The following ABCF1 variants were observed in gnomAD, a reference collection of about 807,000 sequenced individuals.
ABCF1 encodes ATP-binding cassette sub-family F member 1.
A neutral mutation model predicts 126.3 loss-of-function variants in ABCF1; 73 were observed. The ratio of observed to expected loss-of-function variants is 0.58; its 90% confidence interval spans 0.48 to 0.70. The LOEUF (loss-of-function observed/expected upper bound fraction) is 0.70, where lower values mean the gene tolerates loss of function less well. ABCF1 is among the 30% of genes least tolerant of loss of function. ABCF1 has a pLI of 0.00. For synonymous variants in ABCF1, 345 were observed against 396.4 expected (o/e 0.87, Z 1.54); for missense variants, 786 against 1,057.5 (o/e 0.74, Z 3.56).
Position 30,577,865 on chromosome 6 carries a change from GAA to G in ABCF1, c.170_171del (p.Lys57SerfsTer33). 6.2e-7 allele frequency: 1 copy of G among 1,614,072 alleles called. No homozygotes were observed. The highest frequency in any genetic ancestry group is 8.5e-7 in the Non-Finnish European group (1 of 1,180,040). On this transcript the variant is annotated frameshift_variant, in exon 3 of 25. Coordinates refer to ENST00000326195, the MANE Select transcript of ABCF1 (RefSeq NM_001025091.2). LOFTEE classifies it high-confidence loss of function. ...AAGATAAACAGGCTGGGGAAGAAGA[GAA>G]AGTGCTCAAGGAGAAGGAGCAGCAG... ...VEDKQAGEEEKVLKEKEQQQQ... is the reference protein window; with the variant it reads ...VEDKQAGEEEXVLKEKEQQQQ...
intron 1 of ABCF1, among the ~76,000 whole-genome samples, chr6:30,571,878 C>T (rs1170965782): frequency 6.6e-6 from 1 of 152,096 alleles, no homozygotes; most frequent in East Asian, 1.9e-4. Flanking sequence ...CCACCATACA[C>T]TGTATTCCAC....
chr6:30,577,391 G>C lies in ABCF1; in HGVS notation c.74-18G>C. 6.2e-7 allele frequency: 1 copy of C among 1,613,766 alleles called. No homozygotes were observed. The highest frequency in any genetic ancestry group is 1.1e-5 in the South Asian group (1 of 90,994). On this transcript the variant is annotated intron_variant, in intron 1 of 24. Coordinates refer to ENST00000326195, the MANE Select transcript of ABCF1 (RefSeq NM_001025091.2). ...GAATTTGCAGATAAGCATTCACGAT[G>C]TCCGCTTAACTTTCTAGACAAAGTG...
At position 30,571,460 on chromosome 6, in the gene ABCF1, C is replaced by G; in HGVS notation, c.-28C>G. 6.3e-7 allele frequency: 1 copy of G among 1,598,864 alleles called. No individual in the cohort carries two copies. On this transcript the variant is annotated 5_prime_UTR_variant, in exon 1 of 25. Transcript: ENST00000326195. ...CGGAAGCGGAAATAGCACCGGGCGC[C>G]GCCACAGTAGCTGTAACTGCCACCG...
At position 30,583,843 on chromosome 6, in the gene ABCF1, G is replaced by A. The variant is rs570810638; in HGVS notation, c.1055G>A (p.Arg352Gln). 1.2e-6 allele frequency: 2 copies of A among 1,614,134 alleles called. No individual in the cohort carries two copies. Among genetic ancestry groups the A allele is most frequent in the African/African-American group, 2.7e-5 (2 of 75,026 alleles). Residue 352 changes from arginine to glutamine, a missense_variant, in exon 12 of 25, where the codon CGA becomes CAA. By Grantham distance (43) the Arg-to-Gln change is conservative (BLOSUM62 1). This residue lies in a region of ABCF1 where 163 missense variants were observed against 255.3 expected (regional missense o/e 0.64). Coordinates refer to ENST00000326195, the MANE Select transcript of ABCF1 (RefSeq NM_001025091.2). This position sits in a 1 kb window ranked among gnomAD's most constrained non-coding sequence, Gnocchi z 4.1. ...ACACTCCTCAAGCACATTGCCAACCGAGCCCTGAGCATCCCTCCCAACATT... is the reference window on the plus strand; with the variant it reads ...ACACTCCTCAAGCACATTGCCAACCAAGCCCTGAGCATCCCTCCCAACATT... ...KTTLLKHIAN[R>Q]ALSIPPNIDV...
chr6:30,583,087 G>A lies in ABCF1; in HGVS notation c.814G>A (p.Ala272Thr), dbSNP rs765577016. 2 of 1,610,120 alleles carry A rather than the reference G, an allele frequency of 1.2e-6. No individual in the cohort carries two copies. The highest frequency in any genetic ancestry group is 1.1e-5 in the South Asian group (1 of 91,030). The change falls in exon 10 of 25, where the codon GCT becomes ACT. Residue 272 changes from alanine (A) to threonine (T), a missense_variant. Around this residue, in one of 4 missense-constraint regions of ABCF1, gnomAD observed 322 missense variants for 322.9 expected, o/e 1.00. Transcript: ENST00000326195. The surrounding 1 kb of genome is among the most constrained non-coding windows in gnomAD (Gnocchi z 4.1). ...TCAGATGGAGTATGAGCGCCAAGTG[G>A]CTTCATTAAAAGCAGCCAATGCAGC... ...KKQMEYERQV[A>T]SLKAANAAEN...
intron 1 of ABCF1, 81 bp downstream of exon 1, chr6:30,571,641 G>A (rs1200734172): frequency 3.4e-6 from 5 of 1,462,592 alleles, no homozygotes; most frequent in East Asian, 2.4e-5. Context: ...GGGTCATGGG[G>A]CACGAGACTG....
chr6:30,585,364 C>T (rs1251296904), intron 15 of ABCF1, 21 bp downstream of exon 15: 1 of 1,608,552 alleles, frequency 6.2e-7, no homozygotes, highest in Non-Finnish European at 8.5e-7. Flanking sequence ...GCCTTTGCAT[C>T]ATTGGTTCCC....
Position 30,585,905 on chromosome 6 carries a change from A to G in ABCF1, c.1627A>G (p.Lys543Glu). ...GACCTTCAAAAAGATGTACCAGCAG[A>G]AGCAGAAAGAACTGCTGAAACAGTA... ...YMTFKKMYQQ[K>E]QKELLKQYEK... is the part of the protein sequence containing the mutation. The change falls in exon 17 of 25, where the codon AAG becomes GAG. Residue 543 changes from lysine (K) to glutamate (E), a missense_variant. This residue lies in a region of ABCF1 where 288 missense variants were observed against 423.5 expected (regional missense o/e 0.68). Coordinates refer to ENST00000326195, the MANE Select transcript of ABCF1 (RefSeq NM_001025091.2). 6.2e-7 allele frequency: 1 copy of G among 1,608,288 alleles called. No individual in the cohort carries two copies. Among genetic ancestry groups the G allele is most frequent in the Non-Finnish European group, 8.5e-7 (1 of 1,177,428 alleles).
intron 20 of ABCF1, 83 bp from the exon 21 acceptor site, chr6:30,589,602 CAAA>C (rs112144975): frequency 1.7e-3 from 2,054 of 1,224,164 alleles, no homozygotes; most frequent in Non-Finnish European, 1.9e-3. Flanking sequence ...GACTCCGTCT[CAAA>C]AAAAAAAAAA....
chr6:30,576,588 C>T (rs185255392), intron 1 of ABCF1, among the ~76,000 whole-genome samples: 2 of 151,982 alleles, frequency 1.3e-5, no homozygotes, highest in Admixed American at 6.6e-5. Flanking sequence ...CGCGCCCGGC[C>T]GGGTGCTCTT....
Position 30,586,048 on chromosome 6 carries a change from G to T in ABCF1, c.1713+57G>T. 1 of 1,590,372 alleles carries T rather than the reference G, an allele frequency of 6.3e-7. No individual in the cohort carries two copies. Among genetic ancestry groups the T allele is most frequent in the Non-Finnish European group, 8.6e-7 (1 of 1,168,618 alleles). ...CCACTGTTCTCTCCTGGCAGTGGAG[G>T]AAGAAGGAGACTCTGGAACGCTGGC... On this transcript the variant is annotated intron_variant, in intron 17 of 24. Transcript: ENST00000326195. The surrounding 1 kb of genome is among the most constrained non-coding windows in gnomAD (Gnocchi z 4.9).
chr6:30,575,197 G>A (rs923416863), intron 1 of ABCF1, among the ~76,000 whole-genome samples: 2 of 150,764 alleles, frequency 1.3e-5, no homozygotes, highest in Non-Finnish European at 2.9e-5. Context: ...AGCTTCCCAA[G>A]TAGCTGGGAC....
intron 20 of ABCF1, among the ~76,000 whole-genome samples, chr6:30,589,154 A>G (rs1802306516): frequency 6.6e-6 from 1 of 152,010 alleles, no homozygotes; most frequent in African/African-American, 2.4e-5. Context: ...ATGTCCCACT[A>G]TGCCCAGCTA....
rs1294315918 is a variant in ABCF1, at chr6:30,589,940, T to G, written c.2199T>G (p.Ser733Arg). Reference protein sequence around the residue: ...RKCLGRFGLESHAHTIQICKL... With the variant: ...RKCLGRFGLERHAHTIQICKL... ...GCCTGGGCCGCTTCGGCCTGGAGAG[T>G]CACGCCCACACCATCCAGATCTGCA... The change falls in exon 22 of 25, where the codon AGT becomes AGG. Residue 733 changes from serine to arginine, a missense_variant. Physicochemically the swap from Ser to Arg is moderately radical, Grantham distance 110 (BLOSUM62 -1). Transcript: ENST00000326195. The G allele has an allele frequency of 2.5e-6, 4 of 1,613,618 alleles. No individual in the cohort carries two copies. Among genetic ancestry groups the G allele is most frequent in the African/African-American group, 2.7e-5 (2 of 74,938 alleles).
intron 6 of ABCF1, among the ~76,000 whole-genome samples, chr6:30,578,816 A>G (rs1388905039): frequency 3.3e-5 from 5 of 152,110 alleles, no homozygotes; most frequent in African/African-American, 1.2e-4. Flanking sequence ...CCTGACCAAC[A>G]TGGCGAAACC....
At chr6:30,575,062 AC>A in intron 1 of ABCF1, among the ~76,000 whole-genome samples, 1 of 148,044 alleles carries the variant, frequency 6.8e-6, no homozygotes, top group South Asian at 2.1e-4. Flanking sequence ...GATACCATTG[AC>A]TTTTTTTCTT....
chr6:30,586,279 T>G lies in ABCF1; in HGVS notation c.1859T>G (p.Leu620Arg). ...VRFTFPDPPP[L>R]SPPVLGLHGV... is the part of the protein sequence containing the mutation. The stretch of plus-strand genomic sequence containing the variant: ...TTCACTTTTCCAGACCCCCCACCAC[T>G]CAGCCCTCCAGTGCTGGGTCTGCAT... The change falls in exon 18 of 25, where the codon CTC (leucine) becomes CGC (arginine). Residue 620 changes from leucine to arginine, a missense_variant. Physicochemically the swap from Leu to Arg is moderately radical, Grantham distance 102. Coordinates refer to ENST00000326195, the MANE Select transcript of ABCF1 (RefSeq NM_001025091.2). This position sits in a 1 kb window ranked among gnomAD's most constrained non-coding sequence, Gnocchi z 4.9. 6.2e-7 allele frequency: 1 copy of G among 1,611,162 alleles called. No homozygotes were observed. Among genetic ancestry groups the G allele is most frequent in the Non-Finnish European group, 8.5e-7 (1 of 1,178,606 alleles).
chr6:30,589,780 G>A (rs1027762364), intron 21 of ABCF1, 26 bp from the exon 22 acceptor site: 7 of 1,614,088 alleles, frequency 4.3e-6, no homozygotes, highest in Non-Finnish European at 5.9e-6. Flanking sequence ...GACTTTAACC[G>A]ACCACCTCCC....
chr6:30,578,608 A>G, intron 6 of ABCF1, 31 bp downstream of exon 6: 1 of 1,585,210 alleles, frequency 6.3e-7, no homozygotes, highest in Non-Finnish European at 8.6e-7. Flanking sequence ...AGTCACTCTC[A>G]CTCCATTTAG....
Sources: allele counts gnomAD v4.1 joint callset (sites outside exome capture counted in the v4.1 genomes callset), GRCh38; gene constraint gnomAD v4.1.1; regional missense constraint gnomAD v4.1.1; non-coding constraint Gnocchi (gnomAD v3.1); transcripts MANE v1.5; gene names NCBI Gene and HGNC (gene_info 2026-07-23, HGNC 2026-07-21).